SUMO3: variants seen among roughly 807,000 people sequenced by gnomAD.
The protein encoded by SUMO3 is small ubiquitin-related modifier 3.
A neutral mutation model predicts 11.1 loss-of-function variants in SUMO3; 2 were observed. The observed-to-expected ratio is 0.18, with a 90% confidence interval of 0.07 to 0.57. SUMO3 has a LOEUF of 0.57. SUMO3 is among the 20% of genes least tolerant of loss of function. SUMO3 has a pLI of 0.92. For synonymous variants in SUMO3, 56 were observed against 53.5 expected (o/e 1.05, Z -0.20); for missense variants, 70 against 132.8 (o/e 0.53, Z 2.32).
intron 2 of SUMO3, chr21:44,813,712 C>T (rs2083226598): frequency 9.9e-6 from 11 of 1,112,068 alleles, no homozygotes; most frequent in Non-Finnish European, 1.3e-5. Flanking sequence ...AACACAGCAC[C>T]CCGGGCAGCC....
chr21:44,812,817 A>C (rs752324891), intron 2 of SUMO3, among the ~76,000 whole-genome samples: 7 of 152,226 alleles, frequency 4.6e-5, no homozygotes, highest in Non-Finnish European at 1.0e-4. Context: ...AGAGGAGAAC[A>C]TGGGCACCCG....
intron 2 of SUMO3, among the ~76,000 whole-genome samples, chr21:44,809,950 C>A (rs1260895197): frequency 6.6e-6 from 1 of 152,192 alleles, no homozygotes; most frequent in South Asian, 2.1e-4. Context: ...TACTTCCCCC[C>A]TTTACAAAGT....
chr21:44,814,158 C>T (rs1179747238), intron 1 of SUMO3, 54 bp from the exon 2 acceptor site: 2 of 1,590,530 alleles, frequency 1.3e-6, no homozygotes, highest in African/African-American at 1.3e-5. Flanking sequence ...ATAACCGCGA[C>T]TTGAATGGGC....
In SUMO3 at chr21:44,807,134, CCT is replaced by C. The variant is rs2083182440; in HGVS notation, c.223-96_223-95del. On this transcript the variant is annotated intron_variant, in intron 3 of 3. Transcript: ENST00000332859. The surrounding 1 kb of genome is among the most constrained non-coding windows in gnomAD (Gnocchi z 4.3). ...AAGATCCTCACTGGCATGAGTGTTC[CCT>C]GACACTAGCGACATCACCTGGTCAC... 1 of 1,470,982 alleles carries C rather than the reference CCT, an allele frequency of 6.8e-7. No homozygotes were observed. The highest frequency in any genetic ancestry group is 1.9e-5 in the Admixed American group (1 of 53,632). 91.1% of individuals were successfully genotyped at this position (1,470,982 alleles called of 1,614,324 possible). A position where few individuals can be genotyped will look rare whatever the true frequency, so the allele number is the denominator to read the frequency against.
chr21:44,813,620 A>G, intron 2 of SUMO3: 1 of 578,388 alleles, frequency 1.7e-6, no homozygotes, highest in Non-Finnish European at 3.0e-6. Flanking sequence ...CGCCACCTGC[A>G]GCCCCAGAAT....
At chr21:44,813,309 A>G (rs1172604179) in intron 2 of SUMO3, among the ~76,000 whole-genome samples, 1 of 152,160 alleles carries the variant, frequency 6.6e-6, no homozygotes. Flanking sequence ...GCTGGTGGGC[A>G]AAGCCCATAA....
intron 1 of SUMO3, among the ~76,000 whole-genome samples, chr21:44,815,317 C>CTG (rs1569309555): frequency 6.6e-6 from 1 of 152,146 alleles, no homozygotes; most frequent in East Asian, 1.9e-4. Flanking sequence ...GCATGGTGCT[C>CTG]TGTCAAGGGA....
intron 3 of SUMO3, chr21:44,808,580 T>C (rs569108454): frequency 1.3e-4 from 183 of 1,381,972 alleles, no homozygotes; most frequent in South Asian, 3.4e-4. Flanking sequence ...TGCAACGTGA[T>C]AGATGAAATC....
intron 1 of SUMO3, among the ~76,000 whole-genome samples, chr21:44,816,959 T>G (rs1228995210): frequency 4.2e-4 from 4 of 9,454 alleles, no homozygotes; most frequent in Admixed American, 1.3e-3. Context: ...GGACGCACAC[T>G]GGGGGTGTGA....
At chr21:44,815,006 G>A (rs2083235407) in intron 1 of SUMO3, among the ~76,000 whole-genome samples, 2 of 152,218 alleles carry the variant, frequency 1.3e-5, no homozygotes, top group African/African-American at 2.4e-5. Flanking sequence ...TGCACTGCTG[G>A]GATAAAGTCG....
chr21:44,817,191 A>C (rs1280472617), intron 1 of SUMO3, among the ~76,000 whole-genome samples: 11 of 73,882 alleles, frequency 1.5e-4, no homozygotes, highest in Non-Finnish European at 2.9e-4. Context: ...GTGGGCGTAC[A>C]CCGGGGGGCG....
At position 44,806,787 on chromosome 21, in the gene SUMO3, C is replaced by T. The variant is rs937936750; in HGVS notation, c.*164G>A. The T allele has an allele frequency of 7.0e-7, 1 of 1,422,328 alleles. No homozygotes were observed. Among genetic ancestry groups the T allele is most frequent in the African/African-American group, 1.4e-5 (1 of 69,090 alleles). 88.1% of individuals were successfully genotyped at this position (1,422,328 alleles called of 1,614,324 possible). ...CCCAATTTAAGTTACAGATTCATCC[C>T]TGCAGATATAGTTTTGAGTTGCACT... On this transcript the variant is annotated 3_prime_UTR_variant, in exon 4 of 4. Transcript: ENST00000332859.
intron 2 of SUMO3, among the ~76,000 whole-genome samples, chr21:44,812,827 G>A (rs539119316): frequency 2.6e-5 from 4 of 152,218 alleles, no homozygotes; most frequent in South Asian, 2.1e-4. Context: ...ATGGGCACCC[G>A]GGAAGTCACA....
chr21:44,814,234 G>T, intron 1 of SUMO3, 130 bp from the exon 2 acceptor site: 1 of 1,220,454 alleles, frequency 8.2e-7, no homozygotes, highest in Non-Finnish European at 1.1e-6. Flanking sequence ...AAATTCTCCA[G>T]CAATTCAGAG....
In SUMO3 at chr21:44,818,054, C is replaced by A; in HGVS notation, c.-86G>T. 2 of 1,057,126 alleles carry A rather than the reference C, an allele frequency of 1.9e-6. No individual in the cohort carries two copies. The highest frequency in any genetic ancestry group is 2.4e-6 in the Non-Finnish European group (2 of 847,092). 65.5% of individuals were successfully genotyped at this position (1,057,126 alleles called of 1,614,324 possible). A position where few individuals can be genotyped will look rare whatever the true frequency, so the allele number is the denominator to read the frequency against. ...GCTCTCGGCCCCGCCGCTCTCCCGC[C>A]GCAACTGTGCGCGGGGCCGCGCTTT... On this transcript the variant is annotated 5_prime_UTR_variant, in exon 1 of 4. Coordinates refer to ENST00000332859, the MANE Select transcript of SUMO3 (RefSeq NM_006936.3).
At chr21:44,808,305 G>A in intron 3 of SUMO3, 1 of 334,340 alleles carries the variant, frequency 3.0e-6, no homozygotes, top group Non-Finnish European at 5.4e-6. Flanking sequence ...AAGGTCAGGA[G>A]ATCGAGACCA....
intron 2 of SUMO3, 147 bp downstream of exon 2, chr21:44,813,829 A>G: frequency 6.5e-7 from 1 of 1,537,796 alleles, no homozygotes; most frequent in Non-Finnish European, 8.7e-7. Context: ...TTTACAGCAC[A>G]AGCCCCCGCC....
chr21:44,808,308 C>T lies in SUMO3; in HGVS notation c.222+739G>A, dbSNP rs533978258. The T allele has an allele frequency of 6.9e-5, 23 of 335,742 alleles. 1 individual carries two copies. Among genetic ancestry groups the T allele is most frequent in the Middle Eastern group, 8.6e-4 (1 of 1,168 alleles). 20.8% of individuals were successfully genotyped at this position (335,742 alleles called of 1,614,324 possible). A position where few individuals can be genotyped will look rare whatever the true frequency, so the allele number is the denominator to read the frequency against. ...TGGGCAGATCACAAGGTCAGGAGATCGAGACCATCCTGGCTAACATGGTGA... is the reference window on the plus strand; with the variant it reads ...TGGGCAGATCACAAGGTCAGGAGATTGAGACCATCCTGGCTAACATGGTGA... On this transcript the variant is annotated intron_variant, in intron 3 of 3. Transcript: ENST00000332859.
chr21:44,807,075 G>A lies in SUMO3; in HGVS notation c.223-35C>T. 1 of 1,608,394 alleles carries A rather than the reference G, an allele frequency of 6.2e-7. No homozygotes were observed. Among genetic ancestry groups the A allele is most frequent in the South Asian group, 1.1e-5 (1 of 90,850 alleles). The stretch of plus-strand genomic sequence containing the variant: ...TTGTCACAACAGGCACAGCGAGAGA[G>A]AGGGGAGCCTGTTAGTTTTCATCAG... On this transcript the variant is annotated intron_variant, in intron 3 of 3. Transcript: ENST00000332859. The surrounding 1 kb of genome is among the most constrained non-coding windows in gnomAD (Gnocchi z 4.3).
Sources: gnomAD v4.1 joint callset for allele counts (sites outside exome capture counted in the v4.1 genomes callset) on GRCh38, gnomAD v4.1.1 for gene constraint, Gnocchi (gnomAD v3.1) non-coding constraint, MANE v1.5 for transcripts, NCBI Gene and HGNC (gene_info 2026-07-23, HGNC 2026-07-21) for gene names.